COL25A1: variants seen among roughly 807,000 people sequenced by gnomAD.
COL25A1 encodes collagen type XXV alpha 1 chain, also known as collagen alpha-1(XXV) chain.
A neutral mutation model predicts 128.4 loss-of-function variants in COL25A1; 103 were observed. That is an observed-to-expected ratio of 0.80 (90% CI 0.68 to 0.94). The LOEUF (loss-of-function observed/expected upper bound fraction) is 0.94, where lower values mean the gene tolerates loss of function less well. Among genes scored for constraint, COL25A1 ranks in the 40% least tolerant of loss-of-function variants. The pLI, the probability that COL25A1 is intolerant of heterozygous loss-of-function variation, is 0.00. For synonymous variants in COL25A1, 279 were observed against 277.2 expected, an observed-to-expected ratio of 1.01 and a Z score of -0.06; for missense variants, 745 against 840.0, an observed-to-expected ratio of 0.89 and a Z score of 1.40.
chr4:109,011,706 T>A (rs1167062951), intron 5 of COL25A1, among the ~76,000 whole-genome samples: 1 of 152,248 alleles, frequency 6.6e-6, no homozygotes, highest in African/African-American at 2.4e-5. Context: ...TTTTAAGGTT[T>A]ATGCATTTTC....
chr4:108,835,156 T>C (rs183823651), intron 31 of COL25A1, among the ~76,000 whole-genome samples: 2 of 152,254 alleles, frequency 1.3e-5, no homozygotes, highest in African/African-American at 4.8e-5. Context: ...TGCATGCTTT[T>C]CTTCACTTTG....
intron 3 of COL25A1, among the ~76,000 whole-genome samples, chr4:109,273,499 A>G (rs1782337791): frequency 6.6e-6 from 1 of 152,184 alleles, no homozygotes; most frequent in Non-Finnish European, 1.5e-5. Context: ...TAACCTTTAT[A>G]TTTCTTGTTT....
chr4:109,238,112 C>T (rs958986970), intron 3 of COL25A1, among the ~76,000 whole-genome samples: 2 of 152,018 alleles, frequency 1.3e-5, no homozygotes, highest in Non-Finnish European at 2.9e-5. Context: ...TAATATGTTG[C>T]TGTGAACGTG....
At chr4:108,938,782 G>A (rs1327614300) in intron 10 of COL25A1, among the ~76,000 whole-genome samples, 3 of 152,112 alleles carry the variant, frequency 2.0e-5, no homozygotes, top group African/African-American at 2.4e-5. Flanking sequence ...GTGTGAACCC[G>A]GGAGGCAGAG....
At chr4:109,181,852 A>G (rs1774662797) in intron 3 of COL25A1, among the ~76,000 whole-genome samples, 2 of 151,674 alleles carry the variant, frequency 1.3e-5, no homozygotes, top group Non-Finnish European at 2.9e-5. Context: ...CATCTCCCCA[A>G]TCCCCTCCTG....
At chr4:109,261,664 T>C (rs1781453557) in intron 3 of COL25A1, among the ~76,000 whole-genome samples, 6 of 151,930 alleles carry the variant, frequency 3.9e-5, no homozygotes, top group African/African-American at 1.2e-4. Flanking sequence ...AATAATAGTA[T>C]AGGCAAGTAA....
At chr4:109,252,852 T>C (rs967734052) in intron 3 of COL25A1, among the ~76,000 whole-genome samples, 1 of 152,186 alleles carries the variant, frequency 6.6e-6, no homozygotes, top group African/African-American at 2.4e-5. Context: ...CTGCCCACTT[T>C]CACATGGTGC....
chr4:109,291,760 T>A (rs1438520219), intron 3 of COL25A1, among the ~76,000 whole-genome samples: 4 of 152,034 alleles, frequency 2.6e-5, no homozygotes, highest in Non-Finnish European at 5.9e-5. Context: ...AACAATATTG[T>A]CACTTGAAGT....
chr4:109,212,374 T>C (rs1251057178), intron 3 of COL25A1, among the ~76,000 whole-genome samples: 1 of 152,122 alleles, frequency 6.6e-6, no homozygotes, highest in Non-Finnish European at 1.5e-5. Context: ...CACCTACACA[T>C]AGACTCTCTA....
At chr4:108,962,388 C>T (rs1399325907) in intron 8 of COL25A1, among the ~76,000 whole-genome samples, 1 of 152,062 alleles carries the variant, frequency 6.6e-6, no homozygotes, top group Non-Finnish European at 1.5e-5. Flanking sequence ...ACCACGTTGG[C>T]TAGGATGGTC....
chr4:108,829,369 G>T (rs575596199), intron 32 of COL25A1, among the ~76,000 whole-genome samples: 1 of 148,238 alleles, frequency 6.7e-6, no homozygotes, highest in South Asian at 2.2e-4. Flanking sequence ...AACTAGTAAG[G>T]TGTGTATGTG....
At chr4:109,020,976 C>T (rs1253430846) in intron 5 of COL25A1, among the ~76,000 whole-genome samples, 5 of 152,116 alleles carry the variant, frequency 3.3e-5, no homozygotes, top group Non-Finnish European at 4.4e-5. Context: ...TCCATAGAAG[C>T]TTTTGAATTT....
At chr4:108,974,445 G>A in intron 7 of COL25A1, 52 bp from the exon 8 acceptor site, 2 of 1,609,122 alleles carry the variant, frequency 1.2e-6, no homozygotes, top group Non-Finnish European at 1.7e-6. Flanking sequence ...TATACATGAT[G>A]TTCATTAAAA....
intron 3 of COL25A1, among the ~76,000 whole-genome samples, chr4:109,096,022 C>T (rs1765366652): frequency 6.6e-6 from 1 of 152,026 alleles, no homozygotes; most frequent in Non-Finnish European, 1.5e-5. Context: ...TGAAGTGGAG[C>T]GAACGTGTCT....
intron 3 of COL25A1, among the ~76,000 whole-genome samples, chr4:109,241,153 T>C (rs1381513844): frequency 6.6e-6 from 1 of 151,758 alleles, no homozygotes; most frequent in Non-Finnish European, 1.5e-5. Context: ...ATGTAAGAGG[T>C]TTTTTGTTTG....
At chr4:109,224,765 C>T (rs2126213521) in intron 3 of COL25A1, among the ~76,000 whole-genome samples, 1 of 152,162 alleles carries the variant, frequency 6.6e-6, no homozygotes, top group African/African-American at 2.4e-5. Flanking sequence ...CATGGAGAAA[C>T]CCCATCTCTA....
intron 3 of COL25A1, among the ~76,000 whole-genome samples, chr4:109,130,784 C>T (rs1769123909): frequency 6.6e-6 from 1 of 152,202 alleles, no homozygotes; most frequent in Non-Finnish European, 1.5e-5. Flanking sequence ...CTTTATCCTA[C>T]ATGCCACTGG....
chr4:108,897,458 T>C (rs1188099085), intron 15 of COL25A1, among the ~76,000 whole-genome samples: 1 of 152,194 alleles, frequency 6.6e-6, no homozygotes, highest in Admixed American at 6.5e-5. Context: ...TCTTACAATA[T>C]GTTATGTGGA....
chr4:109,007,208 G>A (rs904868415), intron 6 of COL25A1, among the ~76,000 whole-genome samples: 3 of 152,058 alleles, frequency 2.0e-5, no homozygotes, highest in Non-Finnish European at 4.4e-5. Flanking sequence ...ATTACAATAG[G>A]TAATGGGGAA....
Sources: gnomAD v4.1 joint callset for allele counts (sites outside exome capture counted in the v4.1 genomes callset) on GRCh38, gnomAD v4.1.1 for gene constraint, MANE v1.5 for transcripts, NCBI Gene and HGNC (gene_info 2026-07-23, HGNC 2026-07-21) for gene names.